DCHS2: variants seen among roughly 807,000 people sequenced by gnomAD.
DCHS2 encodes dachsous cadherin-related 2.
In DCHS2, 142 loss-of-function variants were observed where a neutral mutation model predicts 182.4. That is an observed-to-expected ratio of 0.78 (90% CI 0.68 to 0.89). DCHS2 has a LOEUF of 0.89. Among genes scored for constraint, DCHS2 ranks in the 40% least tolerant of loss-of-function variants. The pLI is 0.00. For missense variants in DCHS2, 4,319 were observed against 4,198.6 expected (o/e 1.03, Z -0.79); for synonymous variants, 1,740 against 1,663.3 (o/e 1.05, Z -1.12).
chr4:154,261,974 A>G (rs955645758), intron 14 of DCHS2: 2 of 152,216 alleles, frequency 1.3e-5, no homozygotes, highest in Non-Finnish European at 2.9e-5. Flanking sequence ...AAATGTCACC[A>G]GAGCCCGAGT....
intron 1 of DCHS2, among the ~76,000 whole-genome samples, chr4:154,483,144 G>C (rs1368228561): frequency 8.5e-5 from 13 of 152,154 alleles, no homozygotes; most frequent in African/African-American, 3.1e-4. Flanking sequence ...GAGATCTACT[G>C]TTGGTAATAT....
At chr4:154,419,779 G>C (rs1309459173) in intron 1 of DCHS2, among the ~76,000 whole-genome samples, 1 of 147,008 alleles carries the variant, frequency 6.8e-6, no homozygotes, top group Admixed American at 7.0e-5. Context: ...AGGACAGAAA[G>C]CAGGGTGATG....
In DCHS2 at chr4:154,315,876, G is replaced by C; in HGVS notation, c.5132C>G (p.Thr1711Arg). Residue 1711 changes from threonine to arginine, a missense_variant, in exon 10 of 20, where the codon ACA becomes AGA. By Grantham distance (71) the Thr-to-Arg change is moderately conservative (BLOSUM62 -1). Coordinates refer to ENST00000357232, the MANE Select transcript of DCHS2 (RefSeq NM_001358235.2). ...ATCATTTACATCAAGAACAGTAACT[G>C]TCAAAGTCTGGGATGAAGAAAGTGC... is the stretch of plus-strand genomic sequence containing the variant. ...TPALSSSQTL[T>R]VTVLDVNDEA... 6.2e-7 allele frequency: 1 copy of C among 1,613,988 alleles called. No individual in the cohort carries two copies. The highest frequency in any genetic ancestry group is 8.5e-7 in the Non-Finnish European group (1 of 1,179,964).
At chr4:154,265,992 A>G (rs576174072) in intron 14 of DCHS2, among the ~76,000 whole-genome samples, 1 of 152,338 alleles carries the variant, frequency 6.6e-6, no homozygotes, top group Non-Finnish European at 1.5e-5. Context: ...ACAGTAAGAA[A>G]TTAACAACGA....
intron 1 of DCHS2, among the ~76,000 whole-genome samples, chr4:154,477,161 C>T (rs549277391): frequency 1.2e-3 from 187 of 152,250 alleles, no homozygotes; most frequent in African/African-American, 4.1e-3. Context: ...AGTGCCAGCA[C>T]GGTTGGGTTC....
intron 14 of DCHS2, among the ~76,000 whole-genome samples, chr4:154,260,225 C>T (rs977854375): frequency 1.4e-4 from 22 of 152,150 alleles, no homozygotes; most frequent in East Asian, 3.9e-4. Context: ...CCCACCGACC[C>T]GGGTCATTGT....
At chr4:154,406,387 C>A (rs1732402101) in intron 1 of DCHS2, among the ~76,000 whole-genome samples, 1 of 152,230 alleles carries the variant, frequency 6.6e-6, no homozygotes, top group Non-Finnish European at 1.5e-5. Context: ...CCAGGGCCAA[C>A]AAAGGTATCA....
At position 154,420,246 on chromosome 4, in the gene DCHS2, C is replaced by CAGACAGATAGATAGAT. The variant is rs1553950394; in HGVS notation, c.2053-42803_2053-42802insATCTATCTATCTGTCT. Among the ~76,000 whole-genome samples, 39 of 144,848 alleles carry CAGACAGATAGATAGAT rather than the reference C, an allele frequency of 2.7e-4. 1 individual carries two copies. Among genetic ancestry groups the CAGACAGATAGATAGAT allele is most frequent in the African/African-American group, 8.1e-4 (31 of 38,372 alleles). ...ACAGAACCGATGGGAGACAGACAGA[C>CAGACAGATAGATAGAT]AGATAGATAGATAGATAGATAGATA... On this transcript the variant is annotated intron_variant, in intron 1 of 19. Coordinates refer to ENST00000357232, the MANE Select transcript of DCHS2 (RefSeq NM_001358235.2).
In DCHS2 at chr4:154,490,630, G is replaced by C. The variant is rs1419607892; in HGVS notation, c.726C>G (p.Pro242=). ...GCAGCACCAGATCTAGAGGCTCCAG[G>C]GGTGACGAGGAGCCTGGCAAAAGCG... ...PSPLLPGSSS[P]LEPLDLVLLR... Residue 242 remains proline (P), a synonymous_variant, in exon 1 of 20, where the codon CCC becomes CCG. Coordinates refer to ENST00000357232, the MANE Select transcript of DCHS2 (RefSeq NM_001358235.2). 1.9e-6 allele frequency: 3 copies of C among 1,550,638 alleles called. No homozygotes were observed. Among genetic ancestry groups the C allele is most frequent in the Admixed American group, 3.9e-5 (2 of 51,004 alleles).
intron 1 of DCHS2, among the ~76,000 whole-genome samples, chr4:154,400,525 A>T (rs1485892447): frequency 6.6e-6 from 1 of 152,132 alleles, no homozygotes; most frequent in Admixed American, 6.5e-5. Flanking sequence ...ACACCCTTGC[A>T]AATCAGAGTC....
chr4:154,304,821 G>A lies in DCHS2; in HGVS notation c.5453C>T (p.Thr1818Ile), dbSNP rs1484604007. ...SLSSTTTILC[T>I]VEDENDHAPE... ...TGCGTGATCGTTTTCATCTTCAACA[G>A]TGCAGAGGATTGTTGTGGTGCTGGA... is the stretch of plus-strand genomic sequence containing the variant. The change falls in exon 12 of 20, where the codon ACT becomes ATT. Residue 1818 changes from threonine (T) to isoleucine (I), a missense_variant. Transcript: ENST00000357232. 6.2e-7 allele frequency: 1 copy of A among 1,613,812 alleles called. No homozygotes were observed. Among genetic ancestry groups the A allele is most frequent in the Admixed American group, 1.7e-5 (1 of 59,986 alleles).
chr4:154,234,959 G>A lies in DCHS2; in HGVS notation c.9693C>T (p.Asn3231=). The A allele has an allele frequency of 6.2e-7, 1 of 1,614,086 alleles. No individual in the cohort carries two copies. The highest frequency in any genetic ancestry group is 8.5e-7 in the Non-Finnish European group (1 of 1,179,958). The part of the protein sequence containing the change: ...QTTSDHDGKD[N]YHWNYLLSWE... ...AACTAAGAAGATAATTCCAGTGATA[G>A]TTGTCTTTTCCATCATGATCAGAGG... The change falls in exon 20 of 20, where the codon AAC becomes AAT. Residue 3231 remains asparagine, a synonymous_variant. Coordinates refer to ENST00000357232, the MANE Select transcript of DCHS2 (RefSeq NM_001358235.2).
Position 154,235,587 on chromosome 4 carries a change from TTTTG to T in DCHS2, c.9061_9064del (p.Gln3021LysfsTer4). ...CTCCTCATAATTGTTTATTGTGTCT[TTTTG>T]TTTATGTCTTAAAATCATTACAATT... On this transcript the variant is annotated frameshift_variant, in exon 20 of 20. Coordinates refer to ENST00000357232, the MANE Select transcript of DCHS2 (RefSeq NM_001358235.2). LOFTEE classifies it low-confidence loss of function (END_TRUNC). 6.2e-7 allele frequency: 1 copy of T among 1,614,030 alleles called. No individual in the cohort carries two copies. Among genetic ancestry groups the T allele is most frequent in the Non-Finnish European group, 8.5e-7 (1 of 1,179,952 alleles).
Position 154,321,085 on chromosome 4 carries a change from C to A in DCHS2, c.4314G>T (p.Lys1438Asn). 6.2e-7 allele frequency: 1 copy of A among 1,609,606 alleles called. No individual in the cohort carries two copies. The highest frequency in any genetic ancestry group is 1.7e-5 in the Admixed American group (1 of 59,886). Reference protein sequence around the residue: ...SDHLQQHYNGKLHFSIVADDK... With the variant: ...SDHLQQHYNGNLHFSIVADDK... ...CATCTGCAACAATACTAAAATGTAA[C>A]TTTCCATTATAATGTTGTTGAAGGT... is the stretch of plus-strand genomic sequence containing the variant. Residue 1438 changes from lysine (K) to asparagine (N), a missense_variant, in exon 9 of 20, where the codon AAG becomes AAT. Transcript: ENST00000357232.
chr4:154,414,167 CAAATA>C (rs1732736952), intron 1 of DCHS2, among the ~76,000 whole-genome samples: 2 of 147,584 alleles, frequency 1.4e-5, no homozygotes, highest in Admixed American at 1.3e-4. Context: ...AGAAATAAAT[CAAATA>C]AATCAATTAT....
At chr4:154,403,137 A>G (rs907324087) in intron 1 of DCHS2, among the ~76,000 whole-genome samples, 5 of 152,096 alleles carry the variant, frequency 3.3e-5, no homozygotes, top group African/African-American at 1.2e-4. Context: ...ATCCTTTCCA[A>G]TATTTTGCCT....
At chr4:154,241,697 T>A (rs1233078961) in intron 17 of DCHS2, among the ~76,000 whole-genome samples, 1 of 152,156 alleles carries the variant, frequency 6.6e-6, no homozygotes, top group Non-Finnish European at 1.5e-5. Context: ...TTTCTTCTTG[T>A]GATATATTTA....
At chr4:154,418,153 T>TAATTTTAA in intron 1 of DCHS2, among the ~76,000 whole-genome samples, 1 of 152,266 alleles carries the variant, frequency 6.6e-6, no homozygotes, top group South Asian at 2.1e-4. Context: ...AATGCACCTG[T>TAATTTTAA]AGGTCATGGT....
chr4:154,235,890 G>C lies in DCHS2; in HGVS notation c.8762C>G (p.Thr2921Ser), dbSNP rs370459330. 1.2e-6 allele frequency: 2 copies of C among 1,614,038 alleles called. No individual in the cohort carries two copies. The highest frequency in any genetic ancestry group is 2.2e-5 in the East Asian group (1 of 44,852). Residue 2921 changes from threonine to serine, a missense_variant, in exon 20 of 20, where the codon ACC (threonine) becomes AGC (serine). Transcript: ENST00000357232. Reference protein sequence around the residue: ...IDGVILYSLGTSSPFFSVNKT... With the variant: ...IDGVILYSLGSSSPFFSVNKT... ...ATTTACTGAAAAGAAAGGAGATGAGGTTCCAAGGGAGTAAAGAATGACTCC... is the reference window on the plus strand; with the variant it reads ...ATTTACTGAAAAGAAAGGAGATGAGCTTCCAAGGGAGTAAAGAATGACTCC...
Sources: gnomAD v4.1 joint callset for allele counts (sites outside exome capture counted in the v4.1 genomes callset) on GRCh38, gnomAD v4.1.1 for gene constraint, MANE v1.5 for transcripts, NCBI Gene and HGNC (gene_info 2026-07-23, HGNC 2026-07-21) for gene names.